The following ANK2 variants were observed in gnomAD, a reference collection of about 807,000 sequenced individuals.
ANK2 encodes ankyrin 2.
A neutral mutation model predicts 360.5 loss-of-function variants in ANK2; 83 were observed. The observed-to-expected ratio is 0.23, with a 90% CI of 0.19 to 0.28. The LOEUF is 0.28. ANK2 is among the 10% of genes least tolerant of loss of function. The pLI is 1.00. For synonymous variants in ANK2, 1,740 were observed against 1,759.5 expected (o/e 0.99, Z 0.28); for missense variants, 4,201 against 4,795.7 (o/e 0.88, Z 3.66).
chr4:113,052,912 A>G (rs1019703267), intron 1 of ANK2, among the ~76,000 whole-genome samples: 15 of 152,174 alleles, frequency 9.9e-5, no homozygotes, highest in African/African-American at 3.6e-4. Flanking sequence ...GAACAATTCT[A>G]CGATTGTGTA....
rs776923550 is a variant in ANK2 at position 113,356,547 on chromosome 4, G to A, written c.7929G>A (p.Gly2643=). 2 of 1,614,020 alleles carry A rather than the reference G, an allele frequency of 1.2e-6. No homozygotes were observed. Among genetic ancestry groups the A allele is most frequent in the Admixed American group, 1.7e-5 (1 of 59,994 alleles). The stretch of plus-strand genomic sequence containing the variant: ...ATGAACCAAAACATACAGGCAGTGG[G>A]GAGGATGAAAGTGGTGTCCCTGTGT... The part of the protein sequence containing the change: ...DVDEPKHTGS[G]EDESGVPVLV... Residue 2643 remains glycine, a synonymous_variant, in exon 38 of 46, where the codon GGG becomes GGA. Transcript: ENST00000357077.
At chr4:113,273,704 C>A (rs914072043) in intron 14 of ANK2, among the ~76,000 whole-genome samples, 24 of 152,328 alleles carry the variant, frequency 1.6e-4, no homozygotes, top group Middle Eastern at 3.4e-3. Flanking sequence ...ACACTGAAAA[C>A]ATTATTTCCA....
At chr4:112,826,535 A>T in intron 1 of ANK2, 2 of 1,390,088 alleles carry the variant, frequency 1.4e-6, no homozygotes, top group Non-Finnish European at 2.0e-6. Flanking sequence ...CTCCAATGCA[A>T]ATCAAACTTG....
intron 25 of ANK2, 55 bp from the exon 26 acceptor site, chr4:113,318,462 T>G: frequency 1.4e-6 from 2 of 1,382,516 alleles, no homozygotes; most frequent in Non-Finnish European, 2.0e-6. Context: ...TTTGTTATAT[T>G]TTACTTTAAT....
At chr4:112,996,587 T>C (rs10212851) in intron 2 of ANK2, among the ~76,000 whole-genome samples, 58,552 of 151,834 alleles carry the variant, frequency 0.39, 12,875 homozygotes, top group African/African-American at 0.61. Flanking sequence ...ATTTACTGAT[T>C]CATTTTTGAT....
chr4:113,196,253 A>G (rs2098745900), intron 2 of ANK2, 115 bp from the exon 3 acceptor site: 1 of 783,996 alleles, frequency 1.3e-6, no homozygotes, highest in Admixed American at 2.5e-5. Context: ...GCAAAAAGGA[A>G]AAAAAAGAAG....
intron 45 of ANK2, among the ~76,000 whole-genome samples, chr4:113,380,117 C>G (rs2097116711): frequency 6.6e-6 from 1 of 151,920 alleles, no homozygotes; most frequent in African/African-American, 2.4e-5. Context: ...AGTGTCTGGC[C>G]CATACAACAC....
chr4:112,986,938 C>T (rs1423147716), intron 2 of ANK2, among the ~76,000 whole-genome samples: 2 of 152,182 alleles, frequency 1.3e-5, no homozygotes, highest in Non-Finnish European at 2.9e-5. Flanking sequence ...ATATCAGCTA[C>T]TTCAGTGGTG....
chr4:113,063,237 T>C (rs1301907433), intron 1 of ANK2, among the ~76,000 whole-genome samples: 2 of 152,122 alleles, frequency 1.3e-5, no homozygotes, highest in Non-Finnish European at 2.9e-5. Context: ...TTTTAAATGA[T>C]AGCATTTGGT....
At chr4:112,880,007 G>A (rs187425859) in intron 1 of ANK2, among the ~76,000 whole-genome samples, 1 of 151,956 alleles carries the variant, frequency 6.6e-6, no homozygotes, top group Non-Finnish European at 1.5e-5. Context: ...CAGCAAAAGT[G>A]ATATGGCCTT....
At chr4:112,969,850 C>T (rs1156508532) in intron 2 of ANK2, among the ~76,000 whole-genome samples, 3 of 152,122 alleles carry the variant, frequency 2.0e-5, no homozygotes, top group African/African-American at 7.2e-5. Context: ...AAGCTGAGCT[C>T]TGTAGGAGTA....
intron 1 of ANK2, among the ~76,000 whole-genome samples, chr4:113,123,967 C>T (rs2095519390): frequency 6.6e-6 from 1 of 152,094 alleles, no homozygotes; most frequent in African/African-American, 2.4e-5. Flanking sequence ...TAATTCTGAG[C>T]ACAGAAAGGA....
intron 1 of ANK2, among the ~76,000 whole-genome samples, chr4:113,103,916 A>T (rs1226977821): frequency 6.6e-6 from 1 of 152,190 alleles, no homozygotes; most frequent in Non-Finnish European, 1.5e-5. Flanking sequence ...AAAAAATATT[A>T]GTTGTGATTT....
Position 113,196,435 on chromosome 4 carries a change from G to A in ANK2, c.254G>A (p.Gly85Glu), listed in dbSNP as rs2098748989. 6.2e-7 allele frequency: 1 copy of A among 1,613,386 alleles called. No homozygotes were observed. Among genetic ancestry groups the A allele is most frequent in the African/African-American group, 1.3e-5 (1 of 74,918 alleles). The change falls in exon 3 of 46, where the codon GGA (glycine) becomes GAA (glutamate). Residue 85 changes from glycine (G) to glutamate (E), a missense_variant. This residue lies in a region of ANK2 where 169 missense variants were observed against 191.1 expected (regional missense o/e 0.88). Transcript: ENST00000357077. ...GTGGGGCTGGTGCAGGAGCTGCTGG[G>A]AAGAGGGTCCTCTGTGGATTCTGCC... ...GHVGLVQELLGRGSSVDSATK... is the reference protein window; with the variant it reads ...GHVGLVQELLERGSSVDSATK...
intron 1 of ANK2, among the ~76,000 whole-genome samples, chr4:112,872,026 ATTT>A (rs752922331): frequency 8.2e-6 from 1 of 121,634 alleles, no homozygotes; most frequent in Admixed American, 8.2e-5. Flanking sequence ...TTGCATCTGT[ATTT>A]TTTTTTTTTT....
chr4:113,240,423 A>G (rs1300443022), intron 7 of ANK2, 62 bp from the exon 8 acceptor site: 1 of 1,280,170 alleles, frequency 7.8e-7, no homozygotes, highest in South Asian at 1.2e-5. Flanking sequence ...CTTCACTAAT[A>G]CAATGGCTGC....
At chr4:113,204,482 A>C (rs1194329792) in intron 4 of ANK2, among the ~76,000 whole-genome samples, 1 of 152,232 alleles carries the variant, frequency 6.6e-6, no homozygotes, top group East Asian at 1.9e-4. Context: ...CAGTGTCACT[A>C]AACTACAGCC....
At chr4:112,767,269 CAG>C in the ANK2 span, among the ~76,000 whole-genome samples, 2 of 152,050 alleles carry the variant, frequency 1.3e-5, no homozygotes, top group African/African-American at 2.4e-5. Context: ...GAGGGGCAGA[CAG>C]TATGTTCTGC....
Position 113,336,510 on chromosome 4 carries a change from T to C in ANK2, c.3592-67T>C. The C allele has an allele frequency of 2.2e-6, 3 of 1,377,758 alleles. No individual in the cohort carries two copies. The Admixed American group carries it at 6.8e-5, about 31-fold the overall frequency. The allele number at this position is 1,377,758 out of a possible 1,614,324, so 85.3% of individuals were successfully genotyped here. A position where few individuals can be genotyped will look rare whatever the true frequency, so the allele number is the denominator to read the frequency against. ...TGGGGAAGAAATTTGAAATTAAGTA[T>C]AATGATTCATTCTTTATTTTAAAAT... On this transcript the variant is annotated intron_variant, in intron 30 of 45. Coordinates refer to ENST00000357077, the MANE Select transcript of ANK2 (RefSeq NM_001148.6).
Sources: allele counts gnomAD v4.1 joint callset (sites outside exome capture counted in the v4.1 genomes callset), GRCh38; gene constraint gnomAD v4.1.1; regional missense constraint gnomAD v4.1.1; transcripts MANE v1.5; gene names NCBI Gene and HGNC (gene_info 2026-07-23, HGNC 2026-07-21).